Variants in KIR3DL2 observed in about 807,000 individuals in gnomAD.
KIR3DL2 encodes killer cell immunoglobulin like receptor, three Ig domains and long cytoplasmic tail 2, also known as killer cell immunoglobulin-like receptor 3DL2.
KIR3DL2 carries 42 observed loss-of-function variants against 41.6 expected under a neutral mutation model. The observed-to-expected ratio is 1.01, with a 90% confidence interval of 0.79 to 1.31. KIR3DL2 has a LOEUF of 1.31. Among genes scored for constraint, KIR3DL2 ranks in the 50% most tolerant of loss-of-function variants. The pLI, the probability that KIR3DL2 is intolerant of heterozygous loss-of-function variation, is 0.00. For missense variants in KIR3DL2, 728 were observed against 576.8 expected (o/e 1.26, Z -2.68); for synonymous variants, 230 against 221.3 (o/e 1.04, Z -0.35).
At chr19:54,852,400 A>G (rs2043329) in intron 3 of KIR3DL2, 118 bp downstream of exon 3, 972,918 of 1,351,798 alleles carry the variant, frequency 0.72, 351,588 homozygotes, top group African/African-American at 0.79. Flanking sequence ...GGGTCAAGGG[A>G]GATTGAATAC....
intron 2 of KIR3DL2, among the ~76,000 whole-genome samples, 156 bp downstream of exon 2, chr19:54,851,411 T>G (rs1192328051): frequency 6.6e-6 from 1 of 150,794 alleles, no homozygotes; most frequent in Admixed American, 6.6e-5. Context: ...CCCTGGCCTT[T>G]CTTTCCCTTT....
intron 4 of KIR3DL2, among the ~76,000 whole-genome samples, chr19:54,854,305 C>A (rs2064556703): frequency 6.6e-6 from 1 of 151,786 alleles, no homozygotes; most frequent in African/African-American, 2.4e-5. Flanking sequence ...CTCAGACAGA[C>A]AGACATGTGC....
At chr19:54,851,407 C>T in intron 2 of KIR3DL2, 152 bp downstream of exon 2, 1 of 726,220 alleles carries the variant, frequency 1.4e-6, no homozygotes, top group South Asian at 1.6e-5. Flanking sequence ...CCCTCCCTGG[C>T]CTTTCTTTCC....
At chr19:54,866,451 A>G in intron 8 of KIR3DL2, 29 bp downstream of exon 8, 5 of 1,613,878 alleles carry the variant, frequency 3.1e-6, no homozygotes, top group Non-Finnish European at 4.2e-6. Context: ...AGCCTCACGG[A>G]TACAGTCTTA....
In KIR3DL2 at chr19:54,852,105, C is replaced by G; in HGVS notation, c.178C>G (p.Leu60Val). Residue 60 changes from leucine to valine, a missense_variant, in exon 3 of 9, where the codon CTG (leucine) becomes GTG (valine). Coordinates refer to ENST00000326321, the MANE Select transcript of KIR3DL2 (RefSeq NM_006737.4). The part of the protein sequence containing the change: ...HYRRGFNNFM[L>V]YKEDRSHVPI... ...TCGTCGTGGGTTTAACAATTTCATG[C>G]TGTACAAAGAAGACAGAAGCCACGT... is the stretch of plus-strand genomic sequence containing the variant. The G allele has an allele frequency of 1.9e-6, 3 of 1,612,962 alleles. No individual in the cohort carries two copies. Among genetic ancestry groups the G allele is most frequent in the South Asian group, 1.1e-5 (1 of 91,074 alleles).
At position 54,852,257 on chromosome 19, in the gene KIR3DL2, C is replaced by A. The variant is rs1174214596; in HGVS notation, c.330C>A (p.Ser110Arg). The A allele has an allele frequency of 6.2e-7, 1 of 1,609,192 alleles. No homozygotes were observed. The highest frequency in any genetic ancestry group is 1.3e-5 in the African/African-American group (1 of 74,290). ...CCCTCACTGGGTGGTCGGCACCCAG[C>A]AACCCCCTGGTGATCATGGTCACAG... is the stretch of plus-strand genomic sequence containing the variant. ...PHSLTGWSAP[S>R]NPLVIMVTGN... Residue 110 changes from serine (S) to arginine (R), a missense_variant, in exon 3 of 9, where the codon AGC becomes AGA. Transcript: ENST00000326321.
chr19:54,856,901 G>C (rs1161864818), intron 5 of KIR3DL2, among the ~76,000 whole-genome samples: 3 of 152,004 alleles, frequency 2.0e-5, no homozygotes, highest in Non-Finnish European at 4.4e-5. Flanking sequence ...AGTCTCCACC[G>C]TGTGTGTGTA....
rs199778243 is a variant in KIR3DL2, at chr19:54,853,959, G to T, written c.568G>T (p.Ala190Ser). 1,360 of 1,613,392 alleles carry T rather than the reference G, an allele frequency of 8.4e-4. 5 individuals carry two copies. The highest frequency in any genetic ancestry group is 1.1e-3 in the Non-Finnish European group (1,292 of 1,179,884). ...FSIGPLMPVL[A>S]GTYRCYGSVP... is the part of the protein sequence containing the mutation. The stretch of plus-strand genomic sequence containing the variant: ...CATCGGTCCCTTGATGCCTGTCCTT[G>T]CAGGAACCTACAGATGTTATGGTTC... Residue 190 changes from alanine (A) to serine (S), a missense_variant, in exon 4 of 9, where the codon GCA (alanine) becomes TCA (serine). Physicochemically the swap from Ala to Ser is moderately conservative, Grantham distance 99. Transcript: ENST00000326321.
chr19:54,853,715 A>C lies in KIR3DL2; in HGVS notation c.356-32A>C, dbSNP rs2064485782. ...GCCATGGATGGGATGATAAAGAGAG[A>C]TGCCTTCTAAACTCACAACTTCTCT... On this transcript the variant is annotated intron_variant, in intron 3 of 8. Coordinates refer to ENST00000326321, the MANE Select transcript of KIR3DL2 (RefSeq NM_006737.4). The C allele has an allele frequency of 3.1e-6, 5 of 1,601,256 alleles. No homozygotes were observed. The Admixed American group carries it at 8.4e-5, about 27-fold the overall frequency.
chr19:54,853,337 G>C (rs2064451122), intron 3 of KIR3DL2, among the ~76,000 whole-genome samples: 1 of 151,702 alleles, frequency 6.6e-6, no homozygotes, highest in African/African-American at 2.4e-5. Flanking sequence ...AGGGTGTGTG[G>C]ACACTGATGT....
rs1601747624 is a variant in KIR3DL2 at position 54,853,978 on chromosome 19, A to G, written c.587A>G (p.Tyr196Cys). 6.2e-7 allele frequency: 1 copy of G among 1,613,196 alleles called. No individual in the cohort carries two copies. Among genetic ancestry groups the G allele is most frequent in the Non-Finnish European group, 8.5e-7 (1 of 1,179,800 alleles). The part of the protein sequence containing the change: ...MPVLAGTYRC[Y>C]GSVPHSPYQL... ...GTCCTTGCAGGAACCTACAGATGTT[A>G]TGGTTCTGTTCCTCACTCCCCCTAT... The change falls in exon 4 of 9, where the codon TAT becomes TGT. Residue 196 changes from tyrosine to cysteine, a missense_variant. Tyr to Cys is a radical substitution (Grantham distance 194). Coordinates refer to ENST00000326321, the MANE Select transcript of KIR3DL2 (RefSeq NM_006737.4).
chr19:54,856,735 C>T (rs1292778152), intron 5 of KIR3DL2, among the ~76,000 whole-genome samples: 1 of 151,746 alleles, frequency 6.6e-6, no homozygotes, highest in East Asian at 1.9e-4. Flanking sequence ...CCACCCTTCC[C>T]TTCCTGGCCT....
At chr19:54,862,101 T>C (rs1393257999) in intron 6 of KIR3DL2, among the ~76,000 whole-genome samples, 2 of 152,096 alleles carry the variant, frequency 1.3e-5, no homozygotes, top group Non-Finnish European at 2.9e-5. Flanking sequence ...AAGCAATAGA[T>C]GGTGGAGGGG....
intron 6 of KIR3DL2, among the ~76,000 whole-genome samples, chr19:54,859,942 A>T (rs2065058477): frequency 6.6e-6 from 1 of 151,618 alleles, no homozygotes; most frequent in South Asian, 2.1e-4. Context: ...CATCACTCAG[A>T]CCCTTCTTCC....
At chr19:54,853,366 G>C (rs1290189842) in intron 3 of KIR3DL2, among the ~76,000 whole-genome samples, 2 of 151,722 alleles carry the variant, frequency 1.3e-5, no homozygotes, top group Non-Finnish European at 2.9e-5. Context: ...CTGATGAGTT[G>C]ATACCTCTGC....
Position 54,850,525 on chromosome 19 carries a change from G to C in KIR3DL2, c.34+16G>C. ...GCGTGCGTTGGTGAGTCCTGGAAGG[G>C]AATAGAGGGAGGGAGAGTGGGGATG... On this transcript the variant is annotated intron_variant, in intron 1 of 8. Transcript: ENST00000326321. 1 of 1,609,296 alleles carries C rather than the reference G, an allele frequency of 6.2e-7. No individual in the cohort carries two copies. Among genetic ancestry groups the C allele is most frequent in the Non-Finnish European group, 8.5e-7 (1 of 1,179,790 alleles).
rs137958899 is a variant in KIR3DL2 at position 54,865,004 on chromosome 19, T to G, written c.1001-801T>G. ...ATACTGGCTGTGGGTTTGTTATAGA[T>G]GGCTCTTATTATTTTGAGATACGTC... On this transcript the variant is annotated intron_variant, in intron 6 of 8. Transcript: ENST00000326321. 4.6e-3 allele frequency among the ~76,000 whole-genome samples: 698 copies of G among 152,248 alleles called. 9 individuals are homozygous for G. The highest frequency in any genetic ancestry group is 6.8e-3 in the Middle Eastern group (2 of 294).
chr19:54,865,929 G>C lies in KIR3DL2; in HGVS notation c.1105+20G>C. 1 of 1,598,268 alleles carries C rather than the reference G, an allele frequency of 6.3e-7. No individual in the cohort carries two copies. The highest frequency in any genetic ancestry group is 8.6e-7 in the Non-Finnish European group (1 of 1,166,692). Reference sequence around the variant, plus strand: ...AAAAGAGTAAGTCTCACGAAGCAGAGGCCAGAGAGCTCAGGGCCATGTGGG... The same window carrying C: ...AAAAGAGTAAGTCTCACGAAGCAGACGCCAGAGAGCTCAGGGCCATGTGGG... On this transcript the variant is annotated intron_variant, in intron 7 of 8. Coordinates refer to ENST00000326321, the MANE Select transcript of KIR3DL2 (RefSeq NM_006737.4).
At position 54,852,282 on chromosome 19, in the gene KIR3DL2, G is replaced by A. The variant is rs749879549; in HGVS notation, c.355G>A (p.Gly119Arg). ...PSNPLVIMVTGNHRKPSLLAH... is the reference protein window; with the variant it reads ...PSNPLVIMVTRNHRKPSLLAH... ...CAACCCCCTGGTGATCATGGTCACA[G>A]GTCAGAGGCTTTCTGTCTGGGCTTC... The change falls in exon 3 of 9, where the codon GGA (glycine) becomes AGA (arginine). Residue 119 changes from glycine to arginine, a missense_variant and splice_region_variant. Physicochemically the swap from Gly to Arg is moderately radical, Grantham distance 125. Transcript: ENST00000326321. 2 of 1,605,920 alleles carry A rather than the reference G, an allele frequency of 1.2e-6. No homozygotes were observed. The highest frequency in any genetic ancestry group is 1.7e-6 in the Non-Finnish European group (2 of 1,176,684).
Sources: allele counts gnomAD v4.1 joint callset (sites outside exome capture counted in the v4.1 genomes callset), GRCh38; gene constraint gnomAD v4.1.1; transcripts MANE v1.5; gene names NCBI Gene and HGNC (gene_info 2026-07-23, HGNC 2026-07-21).